The following NKAIN2 variants were observed in gnomAD, a reference collection of about 807,000 sequenced individuals.
NKAIN2 encodes the protein sodium/potassium transporting ATPase interacting 2.
In NKAIN2, 14 loss-of-function variants were observed where a neutral mutation model predicts 32.6. That is an observed-to-expected ratio of 0.43 (90% CI 0.28 to 0.67). NKAIN2 has a LOEUF of 0.67. Ranked by LOEUF, NKAIN2 falls within the 30% of genes least tolerant of loss-of-function variation. The pLI is 0.17. For missense variants in NKAIN2, 198 were observed against 258.3 expected, an observed-to-expected ratio of 0.77 and a Z score of 1.60; for synonymous variants, 80 against 87.2, an observed-to-expected ratio of 0.92 and a Z score of 0.46.
At chr6:124,784,648 C>T (rs529415473) in intron 4 of NKAIN2, among the ~76,000 whole-genome samples, 6 of 152,018 alleles carry the variant, frequency 3.9e-5, no homozygotes, top group Admixed American at 6.6e-5. Context: ...GCTGGGGTTG[C>T]GCCCACTTTG....
Position 124,616,437 on chromosome 6 carries a change from C to CTTTTTTTTTTTTT in NKAIN2, c.274-41707_274-41695dup, listed in dbSNP as rs79406895. Among the ~76,000 whole-genome samples the CTTTTTTTTTTTTT allele has an allele frequency of 8.5e-5, 6 of 70,442 alleles. 1 individual carries two copies. Among genetic ancestry groups the CTTTTTTTTTTTTT allele is most frequent in the African/African-American group, 3.5e-4 (5 of 14,430 alleles). The allele number at this position is 70,442 out of a possible 152,430, so 46.2% of individuals were successfully genotyped here. A position where few individuals can be genotyped will look rare whatever the true frequency, so the allele number is the denominator to read the frequency against. ...TTTCTTTTTTCTTTTTCTTTTCTTT[C>CTTTTTTTTTTTTT]TTTTTTTTTTTTTTTTTTTTTTTTT... On this transcript the variant is annotated intron_variant, in intron 3 of 6. Transcript: ENST00000368417.
At chr6:124,052,248 A>C (rs1389995976) in intron 1 of NKAIN2, among the ~76,000 whole-genome samples, 5 of 152,074 alleles carry the variant, frequency 3.3e-5, no homozygotes, top group African/African-American at 1.2e-4. Context: ...TTTATAAAAG[A>C]CGTAGGAAGG....
At chr6:124,186,739 A>G (rs1274965728) in intron 1 of NKAIN2, among the ~76,000 whole-genome samples, 1 of 152,194 alleles carries the variant, frequency 6.6e-6, no homozygotes, top group Non-Finnish European at 1.5e-5. Context: ...ACTGTGGAAA[A>G]TGTCCATGTA....
intron 4 of NKAIN2, among the ~76,000 whole-genome samples, chr6:124,714,144 G>A (rs1315473135): frequency 1.3e-5 from 2 of 152,120 alleles, no homozygotes; most frequent in African/African-American, 2.4e-5. Flanking sequence ...TTCTCTTGCT[G>A]TAGTGGCTCT....
intron 3 of NKAIN2, among the ~76,000 whole-genome samples, chr6:124,596,271 G>A (rs1380469746): frequency 1.6e-4 from 24 of 152,150 alleles, no homozygotes; most frequent in Non-Finnish European, 1.5e-5. Flanking sequence ...GGAGGTGGAT[G>A]TGAGGTGAGT....
intron 1 of NKAIN2, among the ~76,000 whole-genome samples, chr6:124,167,941 T>C (rs1788645792): frequency 1.3e-5 from 2 of 152,218 alleles, no homozygotes; most frequent in African/African-American, 4.8e-5. Flanking sequence ...TCAAAGTACA[T>C]GTGACCATAG....
At chr6:124,640,580 T>C (rs767452138) in intron 3 of NKAIN2, among the ~76,000 whole-genome samples, 2 of 152,162 alleles carry the variant, frequency 1.3e-5, no homozygotes, top group Non-Finnish European at 2.9e-5. Context: ...AAGGATTCAG[T>C]ACATTGGAAA....
intron 1 of NKAIN2, among the ~76,000 whole-genome samples, chr6:124,057,927 T>A (rs2114848378): frequency 6.6e-6 from 1 of 152,062 alleles, no homozygotes; most frequent in Middle Eastern, 3.4e-3. Flanking sequence ...ACTCAACCAT[T>A]TGTTACAGAT....
At chr6:124,659,318 G>A (rs535773489) in intron 4 of NKAIN2, among the ~76,000 whole-genome samples, 1 of 152,024 alleles carries the variant, frequency 6.6e-6, no homozygotes, top group African/African-American at 2.4e-5. Flanking sequence ...TAATTATTTT[G>A]GAAATGATAT....
intron 3 of NKAIN2, among the ~76,000 whole-genome samples, chr6:124,410,887 A>G (rs138920677): frequency 0.028 from 4,225 of 152,234 alleles, 183 homozygotes; most frequent in African/African-American, 0.095. Flanking sequence ...GTGCATATAT[A>G]TTTAGGATAG....
At chr6:124,414,973 GA>G (rs113846966) in intron 3 of NKAIN2, among the ~76,000 whole-genome samples, 61 of 148,964 alleles carry the variant, frequency 4.1e-4, no homozygotes, top group Middle Eastern at 3.4e-3. Context: ...GGTTTTGAGT[GA>G]AAAAAAAAAC....
At chr6:124,677,786 G>T (rs1773432298) in intron 4 of NKAIN2, among the ~76,000 whole-genome samples, 1 of 151,932 alleles carries the variant, frequency 6.6e-6, no homozygotes, top group South Asian at 2.1e-4. Context: ...TATCCCTTAT[G>T]TATTTACATT....
At chr6:124,396,542 T>G (rs1055423964) in intron 3 of NKAIN2, among the ~76,000 whole-genome samples, 1 of 152,036 alleles carries the variant, frequency 6.6e-6, no homozygotes, top group African/African-American at 2.4e-5. Context: ...AGGGGAATAG[T>G]TTTAATGAAA....
At chr6:124,062,196 G>A (rs939444599) in intron 1 of NKAIN2, among the ~76,000 whole-genome samples, 7 of 151,814 alleles carry the variant, frequency 4.6e-5, no homozygotes, top group African/African-American at 1.7e-4. Context: ...ACATTGTTTT[G>A]TATATTTAAT....
intron 3 of NKAIN2, among the ~76,000 whole-genome samples, chr6:124,575,455 A>C (rs1417633045): frequency 6.6e-6 from 1 of 152,208 alleles, no homozygotes; most frequent in Non-Finnish European, 1.5e-5. Flanking sequence ...AAGTCACTCC[A>C]AAGGTGTTTG....
Position 124,760,941 on chromosome 6 carries a change from T to C in NKAIN2, c.475-30398T>C, listed in dbSNP as rs530885622. On this transcript the variant is annotated intron_variant, in intron 4 of 6. Transcript: ENST00000368417. ...TTGTATCCAACTACACAGAATGGTTTCTGGCACATAGTAGGCACCCAGCAA... is the reference window on the plus strand; with the variant it reads ...TTGTATCCAACTACACAGAATGGTTCCTGGCACATAGTAGGCACCCAGCAA... 4.1e-4 allele frequency among the ~76,000 whole-genome samples: 63 copies of C among 152,304 alleles called. 1 individual carries two copies. The highest frequency in any genetic ancestry group is 1.5e-3 in the African/African-American group (61 of 41,572).
At chr6:124,649,164 A>G (rs1310821885) in intron 3 of NKAIN2, among the ~76,000 whole-genome samples, 5 of 152,194 alleles carry the variant, frequency 3.3e-5, no homozygotes, top group Non-Finnish European at 7.3e-5. Flanking sequence ...AAAATAAGAA[A>G]TCAGTAGTGA....
At chr6:123,949,757 G>T (rs1777237419) in intron 1 of NKAIN2, among the ~76,000 whole-genome samples, 1 of 151,952 alleles carries the variant, frequency 6.6e-6, no homozygotes, top group East Asian at 1.9e-4. Flanking sequence ...AGGACAAATT[G>T]ACTTATTCTT....
At chr6:124,775,156 T>C (rs1277523575) in intron 4 of NKAIN2, among the ~76,000 whole-genome samples, 1 of 152,192 alleles carries the variant, frequency 6.6e-6, no homozygotes. Context: ...TTCATTTCTT[T>C]TAACAACAGG....
Sources: gnomAD v4.1 joint callset for allele counts (sites outside exome capture counted in the v4.1 genomes callset) on GRCh38, gnomAD v4.1.1 for gene constraint, MANE v1.5 for transcripts, NCBI Gene and HGNC (gene_info 2026-07-23, HGNC 2026-07-21) for gene names.